The following SHC4 variants were observed in gnomAD, a reference collection of about 807,000 sequenced individuals.
SHC4 encodes the protein SHC adaptor protein 4.
Under a neutral mutation model 69.4 loss-of-function variants are expected in SHC4, and 41 were observed. That is an observed-to-expected ratio of 0.59 (90% CI 0.46 to 0.77). The LOEUF (loss-of-function observed/expected upper bound fraction) is 0.77. Among genes scored for constraint, SHC4 ranks in the 30% least tolerant of loss-of-function variants. The pLI is 0.00. For synonymous variants in SHC4, 318 were observed against 299.3 expected (o/e 1.06, Z -0.64); for missense variants, 777 against 783.8 (o/e 0.99, Z 0.10).
chr15:48,871,992 G>T, intron 5 of SHC4, 97 bp downstream of exon 5: 1 of 756,052 alleles, frequency 1.3e-6, no homozygotes, highest in Non-Finnish European at 2.2e-6. Flanking sequence ...GGCTAATATG[G>T]TTTATGTAAA....
At chr15:48,905,215 A>G (rs1308697583) in intron 2 of SHC4, among the ~76,000 whole-genome samples, 1 of 152,160 alleles carries the variant, frequency 6.6e-6, no homozygotes, top group African/African-American at 2.4e-5. Flanking sequence ...TATTCGATAA[A>G]TTATTATCAA....
intron 10 of SHC4, among the ~76,000 whole-genome samples, chr15:48,842,946 A>C (rs1049471496): frequency 2.0e-5 from 3 of 151,976 alleles, no homozygotes; most frequent in African/African-American, 7.3e-5. Flanking sequence ...AAAAAAGAAA[A>C]GAAGAAGATA....
At chr15:48,833,240 A>T (rs1898837515) in intron 11 of SHC4, among the ~76,000 whole-genome samples, 1 of 151,818 alleles carries the variant, frequency 6.6e-6, no homozygotes. Flanking sequence ...CTGTGGGGGG[A>T]CGTGACTTTT....
At chr15:48,862,445 C>T (rs887956499) in intron 6 of SHC4, among the ~76,000 whole-genome samples, 5 of 152,098 alleles carry the variant, frequency 3.3e-5, no homozygotes, top group African/African-American at 1.2e-4. Context: ...ATAAAAAAGG[C>T]CTTTGATAAA....
At chr15:48,878,531 G>A (rs1204958881) in intron 4 of SHC4, 2 of 1,613,970 alleles carry the variant, frequency 1.2e-6, no homozygotes, top group Non-Finnish European at 8.5e-7. Context: ...GCAGCTCAGT[G>A]GTGCCGGCTA....
At chr15:48,930,994 G>A (rs888609595) in intron 1 of SHC4, among the ~76,000 whole-genome samples, 5 of 152,136 alleles carry the variant, frequency 3.3e-5, no homozygotes, top group Admixed American at 6.5e-5. Context: ...TTTAGTGAAC[G>A]ATTTTTGTTT....
Position 48,860,040 on chromosome 15 carries a change from G to T in SHC4, c.947-2225C>A, listed in dbSNP as rs1161609756. Among the ~76,000 whole-genome samples, 4 of 151,918 alleles carry T rather than the reference G, an allele frequency of 2.6e-5. No individual in the cohort carries two copies. In the South Asian group the frequency reaches 8.3e-4, roughly 32 times the overall value. On this transcript the variant is annotated intron_variant, in intron 6 of 11. Transcript: ENST00000332408. ...AGCCTAGGCAACATAGCAAGACCCT[G>T]TCTCTAAAAAAGAAAGAAAGGAAGA...
rs8026917 is a variant in SHC4 at position 48,955,333 on chromosome 15, C to T, written c.585+7098G>A. On this transcript the variant is annotated intron_variant, in intron 1 of 11. Transcript: ENST00000332408. ...GTAAGTGAGTGAAGCTGGGTAGGAG[C>T]GGGGTGTGGGGCAGCCTGTGTGCAT... Among the ~76,000 whole-genome samples the T allele has an allele frequency of 7.2e-5, 11 of 152,128 alleles. 1 individual carries two copies. In the South Asian group the frequency reaches 8.3e-4, roughly 11 times the overall value.
In SHC4 at chr15:48,924,957, A is replaced by G; in HGVS notation, c.586-8T>C. The G allele has an allele frequency of 6.2e-7, 1 of 1,613,944 alleles. No individual in the cohort carries two copies. The highest frequency in any genetic ancestry group is 8.5e-7 in the Non-Finnish European group (1 of 1,179,918). ...TTCAACACAGCCCATGTACTACAAT[A>G]AGAAGAAAAAAAAGAAGAAGTAGGA... On this transcript the variant is annotated splice_polypyrimidine_tract_variant and splice_region_variant and intron_variant, in intron 1 of 11. Coordinates refer to ENST00000332408, the MANE Select transcript of SHC4 (RefSeq NM_203349.4).
intron 2 of SHC4, among the ~76,000 whole-genome samples, chr15:48,919,997 T>G (rs1900715142): frequency 6.6e-6 from 1 of 150,814 alleles, no homozygotes; most frequent in Non-Finnish European, 1.5e-5. Context: ...AATATAGGCC[T>G]ACAAGTTCAC....
intron 9 of SHC4, among the ~76,000 whole-genome samples, chr15:48,846,687 T>A (rs143752071): frequency 2.4e-3 from 366 of 152,340 alleles, no homozygotes; most frequent in Non-Finnish European, 4.4e-3. Context: ...AATTTGTGTA[T>A]CTTCTGCATC....
At chr15:48,913,283 G>T (rs1292932509) in intron 2 of SHC4, among the ~76,000 whole-genome samples, 1 of 152,032 alleles carries the variant, frequency 6.6e-6, no homozygotes, top group African/African-American at 2.4e-5. Context: ...CTGCTGTGGG[G>T]GATGTGGGTG....
At chr15:48,860,807 C>A (rs911536027) in intron 6 of SHC4, among the ~76,000 whole-genome samples, 1 of 152,224 alleles carries the variant, frequency 6.6e-6, no homozygotes, top group African/African-American at 2.4e-5. Context: ...TGACCTTGAA[C>A]AAGTCACTTT....
chr15:48,887,801 C>A (rs537498636), intron 3 of SHC4, among the ~76,000 whole-genome samples: 5 of 152,180 alleles, frequency 3.3e-5, no homozygotes, highest in Admixed American at 3.3e-4. Context: ...TTACTAAAAT[C>A]AGAAATGAAA....
intron 2 of SHC4, among the ~76,000 whole-genome samples, chr15:48,901,588 GTGTT>G (rs983604078): frequency 5.9e-5 from 9 of 152,132 alleles, no homozygotes; most frequent in East Asian, 1.9e-4. Flanking sequence ...ACAGTGCAAA[GTGTT>G]TGGGCAAGCA....
In SHC4 at chr15:48,876,715, T is replaced by A. The variant is rs1899808133; in HGVS notation, c.841-4573A>T. ...CTAGGCCAGTCTCTCTTTTCACATT[T>A]TTCTGCCTGCTTATATTCTAGCCAA... On this transcript the variant is annotated intron_variant, in intron 4 of 11. Coordinates refer to ENST00000332408, the MANE Select transcript of SHC4 (RefSeq NM_203349.4). 3 of 535,988 alleles carry A rather than the reference T, an allele frequency of 5.6e-6. No individual in the cohort carries two copies. In the East Asian group the frequency reaches 9.3e-5, roughly 17 times the overall value. 33.2% of individuals were successfully genotyped at this position (535,988 alleles called of 1,614,324 possible).
At chr15:48,855,892 T>A in intron 8 of SHC4, 61 bp downstream of exon 8, 2 of 1,495,528 alleles carry the variant, frequency 1.3e-6, no homozygotes, top group Non-Finnish European at 1.8e-6. Context: ...TCAAAGTAAA[T>A]GCTCTAGTGA....
intron 2 of SHC4, among the ~76,000 whole-genome samples, chr15:48,897,206 A>G (rs941479733): frequency 1.3e-5 from 2 of 152,138 alleles, no homozygotes; most frequent in African/African-American, 2.4e-5. Context: ...AAAGAAAGAG[A>G]AACGCCCCAG....
intron 4 of SHC4, among the ~76,000 whole-genome samples, chr15:48,883,283 C>A (rs961584808): frequency 2.6e-5 from 4 of 152,044 alleles, no homozygotes; most frequent in African/African-American, 9.7e-5. Context: ...ACTTAAAATC[C>A]ATCCTCTCAG....
Sources: allele counts gnomAD v4.1 joint callset (sites outside exome capture counted in the v4.1 genomes callset), GRCh38; gene constraint gnomAD v4.1.1; transcripts MANE v1.5; gene names NCBI Gene and HGNC (gene_info 2026-07-23, HGNC 2026-07-21).